RPTOR: variants seen among roughly 807,000 people sequenced by gnomAD.
RPTOR encodes the protein regulatory associated protein of MTOR complex 1, also known as regulatory-associated protein of mTOR.
Under a neutral mutation model 169.9 loss-of-function variants are expected in RPTOR, and 21 were observed. That is an observed-to-expected ratio of 0.12 (90% CI 0.09 to 0.18). The LOEUF (loss-of-function observed/expected upper bound fraction) is 0.18, where lower values mean the gene tolerates loss of function less well. RPTOR is among the 10% of genes least tolerant of loss of function. The pLI is 1.00. For synonymous variants in RPTOR, 732 were observed against 753.2 expected (o/e 0.97, Z 0.46); for missense variants, 1,133 against 1,855.9 (o/e 0.61, Z 7.16).
intron 11 of RPTOR, among the ~76,000 whole-genome samples, chr17:80,849,216 C>T (rs1257876514): frequency 6.6e-6 from 1 of 152,210 alleles, no homozygotes; most frequent in African/African-American, 2.4e-5. Context: ...TCTCTAGTGC[C>T]TTGGCAAGTC....
chr17:80,750,726 T>C (rs1362710564), intron 5 of RPTOR, among the ~76,000 whole-genome samples: 3 of 152,172 alleles, frequency 2.0e-5, no homozygotes, highest in Non-Finnish European at 4.4e-5. Context: ...CTATTTTAGC[T>C]TATGGAGCCC....
At chr17:80,923,401 T>C (rs893413704) in intron 22 of RPTOR, 89 bp from the exon 23 acceptor site, 1 of 1,452,866 alleles carries the variant, frequency 6.9e-7, no homozygotes, top group Admixed American at 1.7e-5. Context: ...CCTGGGAGGG[T>C]GCAGGTGGCC....
intron 3 of RPTOR, among the ~76,000 whole-genome samples, chr17:80,698,271 C>T (rs1567863231): frequency 6.6e-6 from 1 of 152,192 alleles, no homozygotes; most frequent in Non-Finnish European, 1.5e-5. Context: ...GCGCACCAGG[C>T]ACTGGGCCCC....
At chr17:80,870,839 G>A (rs1212451519) in intron 13 of RPTOR, among the ~76,000 whole-genome samples, 1 of 152,204 alleles carries the variant, frequency 6.6e-6, no homozygotes, top group Non-Finnish European at 1.5e-5. Flanking sequence ...TTTCCCTGTT[G>A]ACATCTTCTA....
At chr17:80,832,611 TCTC>T (rs1460587676) in intron 9 of RPTOR, among the ~76,000 whole-genome samples, 2 of 152,102 alleles carry the variant, frequency 1.3e-5, no homozygotes, top group African/African-American at 4.8e-5. Context: ...AGAATCGTGC[TCTC>T]CTCTGTTACT....
intron 1 of RPTOR, among the ~76,000 whole-genome samples, chr17:80,565,760 A>G (rs2084578783): frequency 6.6e-6 from 1 of 152,224 alleles, no homozygotes; most frequent in Non-Finnish European, 1.5e-5. Flanking sequence ...AAGGTGGATT[A>G]ATTTCCCTAA....
At chr17:80,939,240 A>G (rs1009832799) in intron 24 of RPTOR, among the ~76,000 whole-genome samples, 1 of 152,222 alleles carries the variant, frequency 6.6e-6, no homozygotes, top group Non-Finnish European at 1.5e-5. Context: ...TAACCCAGAC[A>G]AGTGGCCATC....
rs765317123 is a variant in RPTOR at position 80,908,942 on chromosome 17, C to T, written c.2520+13C>T. The T allele has an allele frequency of 9.6e-6, 15 of 1,558,472 alleles. No individual in the cohort carries two copies. The highest frequency in any genetic ancestry group is 2.2e-5 in the South Asian group (2 of 89,780). ...CATCGCCTACAAGGTACGTGCCGGG[C>T]GCTCCCCACCGCGCTCCAGCTGCTG... On this transcript the variant is annotated intron_variant, in intron 21 of 33. Coordinates refer to ENST00000306801, the MANE Select transcript of RPTOR (RefSeq NM_020761.3).
At chr17:80,619,793 A>G (rs938020360) in intron 1 of RPTOR, among the ~76,000 whole-genome samples, 1 of 152,202 alleles carries the variant, frequency 6.6e-6, no homozygotes, top group East Asian at 1.9e-4. Context: ...CAGAGGGATC[A>G]CATTATCCTT....
intron 1 of RPTOR, among the ~76,000 whole-genome samples, chr17:80,606,428 G>C (rs2065230143): frequency 6.6e-6 from 1 of 151,482 alleles, no homozygotes; most frequent in Admixed American, 6.6e-5. Context: ...TGCCCAGGCT[G>C]GTCTGGAACT....
chr17:80,629,663 C>T (rs1219110976), intron 2 of RPTOR, among the ~76,000 whole-genome samples: 121 of 102,124 alleles, frequency 1.2e-3, no homozygotes, highest in South Asian at 3.3e-3. Context: ...GTCTCTCTCT[C>T]CTGGGACTCA....
At chr17:80,903,241 C>T (rs531363521) in intron 20 of RPTOR, among the ~76,000 whole-genome samples, 2 of 152,370 alleles carry the variant, frequency 1.3e-5, no homozygotes, top group East Asian at 1.9e-4. Flanking sequence ...GAGCCAGAAG[C>T]CCCGCAGGCC....
intron 6 of RPTOR, among the ~76,000 whole-genome samples, chr17:80,761,011 CT>C (rs1490673295): frequency 6.6e-6 from 1 of 152,098 alleles, no homozygotes; most frequent in Non-Finnish European, 1.5e-5. Flanking sequence ...TTTTGCCTGT[CT>C]TTTTCATTTT....
At chr17:80,571,475 T>C (rs1024217008) in intron 1 of RPTOR, among the ~76,000 whole-genome samples, 7 of 152,200 alleles carry the variant, frequency 4.6e-5, no homozygotes, top group Non-Finnish European at 1.0e-4. Flanking sequence ...GTTACTCCTT[T>C]TCTTAAAGAG....
At chr17:80,842,230 T>C (rs918627374) in intron 10 of RPTOR, among the ~76,000 whole-genome samples, 1 of 152,266 alleles carries the variant, frequency 6.6e-6, no homozygotes, top group Non-Finnish European at 1.5e-5. Flanking sequence ...TCTGTGATAT[T>C]GGTCCTCCCT....
At chr17:80,571,993 A>T (rs1040641587) in intron 1 of RPTOR, among the ~76,000 whole-genome samples, 101 of 152,368 alleles carry the variant, frequency 6.6e-4, no homozygotes, top group African/African-American at 2.1e-3. Flanking sequence ...TAAACAAAAA[A>T]ATCAGGTGCT....
At chr17:80,916,904 C>T (rs2068679802) in intron 21 of RPTOR, among the ~76,000 whole-genome samples, 1 of 152,086 alleles carries the variant, frequency 6.6e-6, no homozygotes, top group African/African-American at 2.4e-5. Flanking sequence ...ACAAGAATTG[C>T]TCGAACCCAG....
intron 1 of RPTOR, among the ~76,000 whole-genome samples, chr17:80,598,793 G>A (rs1453632437): frequency 2.0e-5 from 3 of 152,212 alleles, no homozygotes; most frequent in African/African-American, 7.2e-5. Flanking sequence ...GAATCCAGAA[G>A]AGCTGCTCAG....
chr17:80,920,882 A>ATGTC (rs1308415009), intron 21 of RPTOR, among the ~76,000 whole-genome samples: 1 of 152,214 alleles, frequency 6.6e-6, no homozygotes, highest in Non-Finnish European at 1.5e-5. Flanking sequence ...AAGGGATCAT[A>ATGTC]TGTCTGGCAG....
Sources: allele counts gnomAD v4.1 joint callset (sites outside exome capture counted in the v4.1 genomes callset), GRCh38; gene constraint gnomAD v4.1.1; transcripts MANE v1.5; gene names NCBI Gene and HGNC (gene_info 2026-07-23, HGNC 2026-07-21).